The following TMC5 variants were observed in gnomAD, a reference collection of about 807,000 sequenced individuals.
TMC5 encodes transmembrane channel like 5.
Under a neutral mutation model 110.5 loss-of-function variants are expected in TMC5, and 86 were observed. The ratio of observed to expected loss-of-function variants is 0.78; its 90% CI spans 0.65 to 0.93. The LOEUF (loss-of-function observed/expected upper bound fraction) is 0.93, where lower values mean the gene tolerates loss of function less well. Ranked by LOEUF, TMC5 falls within the 40% of genes least tolerant of loss-of-function variation. The pLI is 0.00. For missense variants in TMC5, 1,144 were observed against 1,222.8 expected (o/e 0.94, Z 0.96); for synonymous variants, 455 against 439.5 (o/e 1.04, Z -0.44).
At chr16:19,446,544 T>C (rs1967619208) in intron 4 of TMC5, among the ~76,000 whole-genome samples, 1 of 152,236 alleles carries the variant, frequency 6.6e-6, no homozygotes, top group Non-Finnish European at 1.5e-5. Flanking sequence ...TCATTTAATC[T>C]GTACAACTGC....
intron 5 of TMC5, among the ~76,000 whole-genome samples, chr16:19,459,394 A>C (rs1276977480): frequency 6.6e-6 from 1 of 152,188 alleles, no homozygotes; most frequent in Non-Finnish European, 1.5e-5. Context: ...GTGTACTTCT[A>C]GGAAGGTGGA....
chr16:19,475,883 AT>A lies in TMC5; in HGVS notation c.2091-1553del, dbSNP rs930011136. On this transcript the variant is annotated intron_variant, in intron 12 of 21. Coordinates refer to ENST00000542583, the MANE Select transcript of TMC5 (RefSeq NM_001261841.2). ...GCGGTGGCATGATCTCTGCAGTATA[AT>A]TTTCTTACCACTTCCTGACATATTT... Among the ~76,000 whole-genome samples the A allele has an allele frequency of 7.5e-5, 11 of 147,158 alleles. No homozygotes were observed. In the Admixed American group the frequency reaches 7.5e-4, roughly 10 times the overall value.
intron 4 of TMC5, among the ~76,000 whole-genome samples, chr16:19,448,996 C>G (rs1279673975): frequency 6.7e-6 from 1 of 149,820 alleles, no homozygotes; most frequent in Non-Finnish European, 1.5e-5. Flanking sequence ...GTAGCTGGGA[C>G]TACAGGCGCC....
At chr16:19,434,036 T>A (rs57499212) in intron 2 of TMC5, among the ~76,000 whole-genome samples, 130 of 6,368 alleles carry the variant, frequency 0.02, 1 homozygote, top group East Asian at 0.18. Context: ...ATCTATATAT[T>A]ATATATATAA....
intron 1 of TMC5, among the ~76,000 whole-genome samples, chr16:19,419,824 C>T (rs1326627833): frequency 6.6e-6 from 1 of 152,136 alleles, no homozygotes; most frequent in Admixed American, 6.5e-5. Context: ...TAATGAATAA[C>T]GCAATGAATC....
chr16:19,496,327 C>A (rs145906088), intron 20 of TMC5, among the ~76,000 whole-genome samples: 1 of 152,146 alleles, frequency 6.6e-6, no homozygotes, highest in Non-Finnish European at 1.5e-5. Context: ...AATTCCAAAG[C>A]CTTGCTTGCT....
chr16:19,424,708 G>GTA (rs1466208772), intron 1 of TMC5, among the ~76,000 whole-genome samples: 1 of 152,152 alleles, frequency 6.6e-6, no homozygotes, highest in Admixed American at 6.5e-5. Context: ...AGTACACAGG[G>GTA]TAAGTTCCAG....
At chr16:19,416,489 A>G (rs1245286431), upstream of TMC5, among the ~76,000 whole-genome samples, 4 of 152,226 alleles carry the variant, frequency 2.6e-5, no homozygotes, top group South Asian at 2.1e-4. Context: ...TTAGGTGGCT[A>G]GAAATAATCT....
At chr16:19,423,782 T>A (rs979276575) in intron 1 of TMC5, among the ~76,000 whole-genome samples, 2 of 152,060 alleles carry the variant, frequency 1.3e-5, no homozygotes, top group Non-Finnish European at 2.9e-5. Context: ...GACAGAATCT[T>A]TCTCTGTTAC....
At chr16:19,495,022 T>TAC (rs1177366558) in intron 20 of TMC5, among the ~76,000 whole-genome samples, 147 of 20,566 alleles carry the variant, frequency 7.1e-3, no homozygotes, top group South Asian at 0.019. Context: ...TTTTTTTTTT[T>TAC]TTTTTTTTTT....
At chr16:19,428,964 T>C (rs538311261) in intron 1 of TMC5, among the ~76,000 whole-genome samples, 1 of 152,170 alleles carries the variant, frequency 6.6e-6, no homozygotes, top group African/African-American at 2.4e-5. Context: ...TAGTTGGGAT[T>C]ACAGGTGCGA....
chr16:19,443,171 T>G (rs1967529057), intron 3 of TMC5, among the ~76,000 whole-genome samples: 1 of 152,218 alleles, frequency 6.6e-6, no homozygotes, highest in South Asian at 2.1e-4. Flanking sequence ...TCTGGGGAAC[T>G]TTAAAAATAA....
At chr16:19,470,079 A>G (rs994609322) in intron 10 of TMC5, among the ~76,000 whole-genome samples, 4 of 150,622 alleles carry the variant, frequency 2.7e-5, no homozygotes, top group African/African-American at 9.8e-5. Context: ...TATTTTTAGT[A>G]GAGACGGGGT....
intron 12 of TMC5, among the ~76,000 whole-genome samples, chr16:19,475,232 G>A (rs2143661988): frequency 6.6e-6 from 1 of 152,208 alleles, no homozygotes. Context: ...AACCAGCCTG[G>A]CCAACATGGT....
At chr16:19,444,333 G>A (rs1967564414) in intron 4 of TMC5, 83 bp downstream of exon 4, 1 of 1,243,958 alleles carries the variant, frequency 8.0e-7, no homozygotes, top group Non-Finnish European at 1.1e-6. Flanking sequence ...AAGGAGACTT[G>A]GCAATAGGAG....
chr16:19,456,462 G>T (rs966898274), intron 5 of TMC5: 7 of 1,188,198 alleles, frequency 5.9e-6, no homozygotes, highest in Admixed American at 8.1e-5. Flanking sequence ...AGAATTCTCT[G>T]CAGGAAAACA....
intron 18 of TMC5, among the ~76,000 whole-genome samples, chr16:19,490,810 TCTTTCTCC>T (rs1041202641): frequency 5.4e-5 from 7 of 130,704 alleles, no homozygotes; most frequent in African/African-American, 2.0e-4. Context: ...TCCCTCCCTC[TCTTTCTCC>T]CTTTCTCCCT....
intron 2 of TMC5, among the ~76,000 whole-genome samples, chr16:19,433,990 A>T (rs1349016582): frequency 4.1e-5 from 5 of 121,500 alleles, no homozygotes; most frequent in South Asian, 2.3e-4. Context: ...CAGCTAATTT[A>T]TATATATATA....
intron 1 of TMC5, among the ~76,000 whole-genome samples, chr16:19,418,754 A>T (rs1966914656): frequency 1.6e-5 from 2 of 127,608 alleles, no homozygotes; most frequent in South Asian, 2.5e-4. Context: ...TCGAGACAAT[A>T]TCTCACTCTG....
Sources: allele counts gnomAD v4.1 joint callset (sites outside exome capture counted in the v4.1 genomes callset), GRCh38; gene constraint gnomAD v4.1.1; transcripts MANE v1.5; gene names NCBI Gene and HGNC (gene_info 2026-07-23, HGNC 2026-07-21).